Variants in RBFOX1 observed in about 807,000 individuals in gnomAD.
The protein encoded by RBFOX1 is RNA binding protein fox-1 homolog 1.
A neutral mutation model predicts 57.7 loss-of-function variants in RBFOX1; 8 were observed. That is an observed-to-expected ratio of 0.14 (90% confidence interval 0.08 to 0.25). The LOEUF is 0.25. Among genes scored for constraint, RBFOX1 ranks in the 10% least tolerant of loss-of-function variants. The pLI is 1.00. For synonymous variants in RBFOX1, 326 were observed against 222.4 expected, an observed-to-expected ratio of 1.47 and a Z score of -4.15; for missense variants, 611 against 548.5, an observed-to-expected ratio of 1.11 and a Z score of -1.14.
chr16:5,590,672 C>T (rs183849908), intron 2 of RBFOX1, among the ~76,000 whole-genome samples: 1 of 151,906 alleles, frequency 6.6e-6, no homozygotes, highest in Admixed American at 6.5e-5. Flanking sequence ...GGCCATGCTT[C>T]CAGCTTTCTG....
intron 4 of RBFOX1, among the ~76,000 whole-genome samples, chr16:5,972,981 A>G (rs913264903): frequency 6.6e-6 from 1 of 152,162 alleles, no homozygotes; most frequent in Non-Finnish European, 1.5e-5. Flanking sequence ...ATAGCTACAG[A>G]AAGTGTGAGA....
intron 3 of RBFOX1, among the ~76,000 whole-genome samples, chr16:5,697,290 C>A (rs899660080): frequency 2.0e-5 from 3 of 151,818 alleles, no homozygotes; most frequent in South Asian, 4.2e-4. Flanking sequence ...CTCTTTCCAA[C>A]CTAAATAAAT....
At chr16:6,819,568 T>TGGC (rs201117831) in intron 3 of RBFOX1, among the ~76,000 whole-genome samples, 4,513 of 151,820 alleles carry the variant, frequency 0.03, 238 homozygotes, top group East Asian at 0.15. Flanking sequence ...CCGGGCCTGT[T>TGGC]GGCGTGTATG....
At chr16:5,993,407 G>C (rs199924100) in intron 4 of RBFOX1, among the ~76,000 whole-genome samples, 4,064 of 151,356 alleles carry the variant, frequency 0.027, 221 homozygotes, top group East Asian at 0.26. Context: ...GACAGAGAGA[G>C]AGAGAGAGAG....
At chr16:5,789,516 A>G (rs1229569446) in intron 3 of RBFOX1, among the ~76,000 whole-genome samples, 1 of 152,134 alleles carries the variant, frequency 6.6e-6, no homozygotes, top group Non-Finnish European at 1.5e-5. Flanking sequence ...ACTATAGGGC[A>G]TTTAACGTGT....
intron 3 of RBFOX1, among the ~76,000 whole-genome samples, chr16:6,888,456 C>T (rs1364985304): frequency 2.0e-5 from 3 of 152,124 alleles, no homozygotes; most frequent in Admixed American, 6.5e-5. Context: ...CACTTACTGT[C>T]TTGGGTTTCA....
chr16:7,039,151 C>T (rs191261720), intron 3 of RBFOX1, among the ~76,000 whole-genome samples: 95 of 152,298 alleles, frequency 6.2e-4, no homozygotes, highest in Middle Eastern at 6.8e-3. Context: ...AGGATATGCT[C>T]CATAAAGTAT....
chr16:6,418,232 C>G (rs1040279436), intron 2 of RBFOX1, among the ~76,000 whole-genome samples: 2 of 152,134 alleles, frequency 1.3e-5, no homozygotes, highest in Non-Finnish European at 2.9e-5. Context: ...ATATGGCATG[C>G]CCATTTTAGC....
At chr16:5,724,758 C>T (rs1417601845) in intron 3 of RBFOX1, among the ~76,000 whole-genome samples, 1 of 152,154 alleles carries the variant, frequency 6.6e-6, no homozygotes, top group East Asian at 1.9e-4. Flanking sequence ...CTACCAAGTA[C>T]CTGGCACCAT....
intron 4 of RBFOX1, among the ~76,000 whole-genome samples, chr16:7,200,246 T>C (rs2152714156): frequency 6.6e-6 from 1 of 152,292 alleles, no homozygotes; most frequent in East Asian, 1.9e-4. Context: ...AGGATGATAC[T>C]GTGGTTCTGA....
chr16:5,402,440 T>TC (rs2066742655), intron 1 of RBFOX1, among the ~76,000 whole-genome samples: 1 of 151,992 alleles, frequency 6.6e-6, no homozygotes, highest in African/African-American at 2.4e-5. Flanking sequence ...GCTCACAACC[T>TC]CCCCCATTTT....
intron 4 of RBFOX1, among the ~76,000 whole-genome samples, chr16:7,378,153 G>A (rs1251483684): frequency 2.0e-5 from 3 of 152,184 alleles, no homozygotes; most frequent in Non-Finnish European, 4.4e-5. Context: ...GGGCGGCAGA[G>A]TAAGGCAGTA....
At chr16:6,603,198 G>A (rs1259152958) in intron 2 of RBFOX1, among the ~76,000 whole-genome samples, 1 of 152,126 alleles carries the variant, frequency 6.6e-6, no homozygotes, top group Non-Finnish European at 1.5e-5. Flanking sequence ...GAACAAGATT[G>A]ACCCAGCTTA....
In RBFOX1 at chr16:6,948,219, C is replaced by G. The variant is rs781647169; in HGVS notation, c.-15-103838C>G. 5.5e-4 allele frequency among the ~76,000 whole-genome samples: 83 copies of G among 151,892 alleles called. 4 individuals are homozygous for G. Among genetic ancestry groups the G allele is most frequent in the Non-Finnish European group, 1.8e-4 (12 of 68,016 alleles). On this transcript the variant is annotated intron_variant, in intron 3 of 15. Transcript: ENST00000550418. Reference sequence around the variant, plus strand: ...GGCTGAGGTGAGAGGATGGCTTGAGCTGAGGCATTCAAGACCAGCCTGGGC... The same window carrying G: ...GGCTGAGGTGAGAGGATGGCTTGAGGTGAGGCATTCAAGACCAGCCTGGGC...
chr16:7,120,790 C>T (rs541696434), intron 4 of RBFOX1, among the ~76,000 whole-genome samples: 58 of 115,010 alleles, frequency 5.0e-4, no homozygotes, highest in East Asian at 1.8e-3. Flanking sequence ...TAATCTGATA[C>T]GAAAACCAGG....
chr16:6,958,287 A>G (rs994235170), intron 3 of RBFOX1, among the ~76,000 whole-genome samples: 8 of 152,212 alleles, frequency 5.3e-5, no homozygotes, highest in East Asian at 3.9e-4. Flanking sequence ...TTATGAGGCA[A>G]TTATTCCAAC....
At chr16:6,075,153 A>G (rs1283641946) in intron 1 of RBFOX1, among the ~76,000 whole-genome samples, 2 of 152,184 alleles carry the variant, frequency 1.3e-5, no homozygotes, top group African/African-American at 2.4e-5. Flanking sequence ...CAGAAGTGAC[A>G]TGACTTGAAC....
At chr16:5,858,611 C>G (rs1010275204) in intron 3 of RBFOX1, among the ~76,000 whole-genome samples, 1 of 152,144 alleles carries the variant, frequency 6.6e-6, no homozygotes, top group African/African-American at 2.4e-5. Flanking sequence ...TACAAGCTGC[C>G]AGAATTTTCA....
chr16:6,901,025 C>T (rs1385368078), intron 3 of RBFOX1, among the ~76,000 whole-genome samples: 2 of 152,116 alleles, frequency 1.3e-5, no homozygotes, highest in Non-Finnish European at 2.9e-5. Flanking sequence ...TCCCATTCAC[C>T]GACATTATGT....
Sources: gnomAD v4.1 joint callset for allele counts (sites outside exome capture counted in the v4.1 genomes callset) on GRCh38, gnomAD v4.1.1 for gene constraint, MANE v1.5 for transcripts, NCBI Gene and HGNC (gene_info 2026-07-23, HGNC 2026-07-21) for gene names.